HINT2: variants seen among roughly 807,000 people sequenced by gnomAD.
The protein encoded by HINT2 is adenosine 5'-monophosphoramidase HINT2.
In HINT2, 17 loss-of-function variants were observed where a neutral mutation model predicts 20.0. That is an observed-to-expected ratio of 0.85 (90% CI 0.58 to 1.27). HINT2 has a LOEUF of 1.27. Ranked by LOEUF, HINT2 falls within the 50% of genes most tolerant of loss-of-function variation. The probability of loss-of-function intolerance (pLI) is 0.00; values close to 1 mark genes in which losing one functional copy is unlikely to be tolerated. For missense variants in HINT2, 217 were observed against 211.9 expected (o/e 1.02, Z -0.15); for synonymous variants, 96 against 84.2 (o/e 1.14, Z -0.77).
chr9:35,813,052 G>T lies in HINT2; in HGVS notation c.*2C>A, dbSNP rs1220528875. On this transcript the variant is annotated 3_prime_UTR_variant, in exon 5 of 5. Coordinates refer to ENST00000259667, the MANE Select transcript of HINT2 (RefSeq NM_032593.3). ...CTGGTGTCCTTTAATCAGTTGGCAG[G>T]TTCAACCTGGAGGCCACTGGAGCTG... The T allele has an allele frequency of 6.2e-7, 1 of 1,613,004 alleles. No individual in the cohort carries two copies. The highest frequency in any genetic ancestry group is 1.3e-5 in the African/African-American group (1 of 74,892).
intron 1 of HINT2, chr9:35,814,152 T>C (rs1177673224): frequency 5.1e-6 from 1 of 195,090 alleles, no homozygotes; most frequent in Non-Finnish European, 1.1e-5. Context: ...AATAAAGGGA[T>C]GGTTTCCATA....
intron 1 of HINT2, 114 bp downstream of exon 1, chr9:35,814,785 G>T (rs930669873): frequency 2.2e-6 from 2 of 895,570 alleles, no homozygotes; most frequent in Non-Finnish European, 3.2e-6. Flanking sequence ...GCCTCGGAGG[G>T]GCAGAGGCCA....
In HINT2 at chr9:35,813,693, C is replaced by G. The variant is rs747136493; in HGVS notation, c.173G>C (p.Arg58Pro). 1.2e-6 allele frequency: 2 copies of G among 1,614,034 alleles called. No homozygotes were observed. The highest frequency in any genetic ancestry group is 2.7e-5 in the African/African-American group (2 of 74,898). ...AGCTGGGAGGCTCTTGTCCAGGATCCGGGAGAAGATGGTTGGGGCTGCTCC... is the reference window on the plus strand; with the variant it reads ...AGCTGGGAGGCTCTTGTCCAGGATCGGGGAGAAGATGGTTGGGGCTGCTCC... ...PGGAAPTIFS[R>P]ILDKSLPADI... Residue 58 changes from arginine (R) to proline (P), a missense_variant, in exon 2 of 5, where the codon CGG (arginine) becomes CCG (proline). Arg to Pro is a moderately radical substitution (Grantham distance 103, BLOSUM62 -2). Coordinates refer to ENST00000259667, the MANE Select transcript of HINT2 (RefSeq NM_032593.3).
At position 35,813,296 on chromosome 9, in the gene HINT2, C is replaced by T. The variant is rs1828901319; in HGVS notation, c.370G>A (p.Ala124Thr). 1.2e-6 allele frequency: 2 copies of T among 1,614,162 alleles called. No homozygotes were observed. Among genetic ancestry groups the T allele is most frequent in the Non-Finnish European group, 1.7e-6 (2 of 1,180,028 alleles). Residue 124 changes from alanine to threonine, a missense_variant, in exon 4 of 5, where the codon GCT (alanine) becomes ACT (threonine). Transcript: ENST00000259667. ...CGGTATCCATCTCCCAGGCCCTCAG[C>T]CTTTGCTGTCTGCTTGGCCACAAGG... is the stretch of plus-strand genomic sequence containing the variant. ...LLLVAKQTAK[A>T]EGLGDGYRLV...
At position 35,812,997 on chromosome 9, in the gene HINT2, T is replaced by A. The variant is rs1406379678; in HGVS notation, c.*57A>T. On this transcript the variant is annotated 3_prime_UTR_variant, in exon 5 of 5. Transcript: ENST00000259667. ...AGTTTTATTAGCATCACAGGGTCCA[T>A]TTTTCCCTTTCCATCCAAGCATCCA... 7 of 1,339,390 alleles carry A rather than the reference T, an allele frequency of 5.2e-6. No homozygotes were observed. The highest frequency in any genetic ancestry group is 6.5e-6 in the Non-Finnish European group (6 of 929,612). The allele number at this position is 1,339,390 out of a possible 1,614,324, so 83.0% of individuals were successfully genotyped here. A position where few individuals can be genotyped will look rare whatever the true frequency, so the allele number is the denominator to read the frequency against.
chr9:35,813,344 G>C lies in HINT2; in HGVS notation c.328-6C>G. ...AGGAGTAGGTGTCCTAGAAGCTATA[G>C]AGAGAGCGGAGGGACATAGGTGGCT... On this transcript the variant is annotated splice_region_variant and splice_polypyrimidine_tract_variant and intron_variant, in intron 3 of 4. Transcript: ENST00000259667. The C allele has an allele frequency of 6.2e-7, 1 of 1,613,454 alleles. No individual in the cohort carries two copies. Among genetic ancestry groups the C allele is most frequent in the African/African-American group, 1.3e-5 (1 of 75,032 alleles).
intron 1 of HINT2, chr9:35,813,989 A>G (rs925667221): frequency 1.7e-6 from 1 of 588,296 alleles, no homozygotes; most frequent in Non-Finnish European, 3.0e-6. Context: ...AGGATTCAGC[A>G]GTGCAATTGA....
upstream of HINT2, chr9:35,815,121 C>T (rs1219986217): frequency 1.8e-5 from 13 of 713,418 alleles, no homozygotes; most frequent in Middle Eastern, 4.2e-4. Context: ...CCTCTGAGCA[C>T]GATTCACCCC....
Position 35,813,449 on chromosome 9 carries a change from T to A in HINT2, c.323A>T (p.Gln108Leu), listed in dbSNP as rs1260227248. Residue 108 changes from glutamine to leucine, a missense_variant, in exon 3 of 5, where the codon CAG becomes CTG. Transcript: ENST00000259667. ...CCCTGGCCCTGTTCTTCCCACCTGC[T>A]GGTCTTCTTCTTCAGCCTGGCTAAT... ...PRISQAEEEDQQLLGHLLLVA... is the reference protein window; with the variant it reads ...PRISQAEEEDLQLLGHLLLVA... The A allele has an allele frequency of 6.2e-7, 1 of 1,614,198 alleles. No homozygotes were observed. Among genetic ancestry groups the A allele is most frequent in the South Asian group, 1.1e-5 (1 of 91,086 alleles).
intron 1 of HINT2, 120 bp downstream of exon 1, chr9:35,814,779 C>G: frequency 1.2e-6 from 1 of 848,128 alleles, no homozygotes; most frequent in East Asian, 3.3e-5. Flanking sequence ...GCTTGTGCCT[C>G]GGAGGGGCAG....
At position 35,813,288 on chromosome 9, in the gene HINT2, G is replaced by A. The variant is rs1174759903; in HGVS notation, c.378C>T (p.Gly126=). The A allele has an allele frequency of 6.2e-7, 1 of 1,614,044 alleles. No individual in the cohort carries two copies. The highest frequency in any genetic ancestry group is 1.3e-5 in the African/African-American group (1 of 74,932). ...CACCAAGTCGGTATCCATCTCCCAG[G>A]CCCTCAGCCTTTGCTGTCTGCTTGG... is the stretch of plus-strand genomic sequence containing the variant. ...LVAKQTAKAE[G]LGDGYRLVIN... The change falls in exon 4 of 5, where the codon GGC becomes GGT. Residue 126 remains glycine, a synonymous_variant. Transcript: ENST00000259667.
Position 35,813,555 on chromosome 9 carries a change from G to A in HINT2, c.223-6C>T, listed in dbSNP as rs777230474. The A allele has an allele frequency of 1.9e-6, 3 of 1,613,998 alleles. No individual in the cohort carries two copies. The highest frequency in any genetic ancestry group is 2.7e-5 in the African/African-American group (2 of 74,910). Reference sequence around the variant, plus strand: ...ACATCACGGAACACAAGACACTGGGGGAAGTGACAGGCCAGAGGCCACGTT... The same window carrying A: ...ACATCACGGAACACAAGACACTGGGAGAAGTGACAGGCCAGAGGCCACGTT... On this transcript the variant is annotated splice_region_variant and splice_polypyrimidine_tract_variant and intron_variant, in intron 2 of 4. Coordinates refer to ENST00000259667, the MANE Select transcript of HINT2 (RefSeq NM_032593.3).
At chr9:35,813,205 C>G (rs1828897621) in intron 4 of HINT2, 60 bp from the exon 5 acceptor site, 1 of 1,611,770 alleles carries the variant, frequency 6.2e-7, no homozygotes, top group Non-Finnish European at 8.5e-7. Flanking sequence ...GAATGAAGAT[C>G]ATATTGAGAA....
Position 35,813,433 on chromosome 9 carries a change from T to C in HINT2, c.327+12A>G, listed in dbSNP as rs771179470. 3 of 1,614,004 alleles carry C rather than the reference T, an allele frequency of 1.9e-6. No homozygotes were observed. Among genetic ancestry groups the C allele is most frequent in the Non-Finnish European group, 2.5e-6 (3 of 1,179,854 alleles). On this transcript the variant is annotated intron_variant, in intron 3 of 4. Coordinates refer to ENST00000259667, the MANE Select transcript of HINT2 (RefSeq NM_032593.3). The stretch of plus-strand genomic sequence containing the variant: ...GCTCCTCCCAGCCAAACCCTGGCCC[T>C]GTTCTTCCCACCTGCTGGTCTTCTT...
chr9:35,814,864 C>A, intron 1 of HINT2, 35 bp downstream of exon 1: 1 of 1,470,256 alleles, frequency 6.8e-7, no homozygotes. Flanking sequence ...TCGGAGCCCG[C>A]AGGACCCCCT....
rs749990919 is a variant in HINT2 at position 35,813,462 on chromosome 9, C to T, written c.310G>A (p.Glu104Lys). Residue 104 changes from glutamate to lysine, a missense_variant, in exon 3 of 5, where the codon GAA (glutamate) becomes AAA (lysine). Transcript: ENST00000259667. Reference protein sequence around the residue: ...KKPIPRISQAEEEDQQLLGHL... With the variant: ...KKPIPRISQAKEEDQQLLGHL... Reference sequence around the variant, plus strand: ...CTTCCCACCTGCTGGTCTTCTTCTTCAGCCTGGCTAATCCGAGGAATGGGC... The same window carrying T: ...CTTCCCACCTGCTGGTCTTCTTCTTTAGCCTGGCTAATCCGAGGAATGGGC... 1.2e-6 allele frequency: 2 copies of T among 1,614,156 alleles called. No individual in the cohort carries two copies. The highest frequency in any genetic ancestry group is 2.2e-5 in the South Asian group (2 of 91,070).
chr9:35,813,013 C>G lies in HINT2; in HGVS notation c.*41G>C. On this transcript the variant is annotated 3_prime_UTR_variant, in exon 5 of 5. Transcript: ENST00000259667. Reference sequence around the variant, plus strand: ...CAGGGTCCATTTTTCCCTTTCCATCCAAGCATCCAGAGTCTGGTGTCCTTT... The same window carrying G: ...CAGGGTCCATTTTTCCCTTTCCATCGAAGCATCCAGAGTCTGGTGTCCTTT... 6.6e-7 allele frequency: 1 copy of G among 1,506,456 alleles called. No homozygotes were observed. The highest frequency in any genetic ancestry group is 9.2e-7 in the Non-Finnish European group (1 of 1,081,744). The allele number at this position is 1,506,456 out of a possible 1,614,324, so 93.3% of individuals were successfully genotyped here.
At chr9:35,814,792 G>A (rs1211932716) in intron 1 of HINT2, 107 bp downstream of exon 1, 14 of 976,402 alleles carry the variant, frequency 1.4e-5, no homozygotes, top group Non-Finnish European at 2.0e-5. Context: ...AGGGGCAGAG[G>A]CCACAGGCAG....
At chr9:35,813,383 G>A (rs1436153387) in intron 3 of HINT2, 45 bp from the exon 4 acceptor site, 2 of 1,608,958 alleles carry the variant, frequency 1.2e-6, no homozygotes, top group Admixed American at 1.7e-5. Flanking sequence ...TTCATAGGGA[G>A]CAAGACCTCT....
Sources: gnomAD v4.1 joint callset for allele counts on GRCh38, gnomAD v4.1.1 for gene constraint, MANE v1.5 for transcripts, NCBI Gene and HGNC (gene_info 2026-07-23, HGNC 2026-07-21) for gene names.